Variants in KIRREL3 observed in about 807,000 individuals in gnomAD.
KIRREL3 encodes the protein kirre like nephrin family adhesion molecule 3.
A neutral mutation model predicts 89.7 loss-of-function variants in KIRREL3; 36 were observed. The observed-to-expected ratio is 0.40, with a 90% CI of 0.31 to 0.53. The LOEUF is 0.53. Among genes scored for constraint, KIRREL3 ranks in the 20% least tolerant of loss-of-function variants. The pLI is 0.49. For synonymous variants in KIRREL3, 445 were observed against 441.4 expected (o/e 1.01, Z -0.10); for missense variants, 864 against 1,056.6 (o/e 0.82, Z 2.53).
In KIRREL3 at chr11:126,684,428, G is replaced by T; in HGVS notation, c.56-121516C>A. On this transcript the variant is annotated intron_variant, in intron 1 of 16. Transcript: ENST00000525144. This position sits in a 1 kb window ranked among gnomAD's most constrained non-coding sequence, Gnocchi z 4.2. Reference sequence around the variant, plus strand: ...ACCTCCTGGTTGAACTGGCTTCCCTGCCCCTCCAAAGTGGTTCCAAGGTGC... The same window carrying T: ...ACCTCCTGGTTGAACTGGCTTCCCTTCCCCTCCAAAGTGGTTCCAAGGTGC... 6.6e-6 allele frequency among the ~76,000 whole-genome samples: 1 copy of T among 152,148 alleles called. No homozygotes were observed. The highest frequency in any genetic ancestry group is 1.9e-4 in the East Asian group (1 of 5,196).
At chr11:126,935,771 G>A (rs1374635289) in intron 1 of KIRREL3, 1 of 152,178 alleles carries the variant, frequency 6.6e-6, no homozygotes, top group Non-Finnish European at 1.5e-5. Flanking sequence ...TTAGGGCAGT[G>A]AATCTATCCT....
Position 126,890,549 on chromosome 11 carries a change from T to C in KIRREL3, c.55+109906A>G, listed in dbSNP as rs1945873627. 6.6e-6 allele frequency among the ~76,000 whole-genome samples: 1 copy of C among 152,240 alleles called. No individual in the cohort carries two copies. ...TAATGGTGACCAAATCCCTCCAGTT[T>C]TCTGCTCCCTGGCTGTGGACAGAAG... On this transcript the variant is annotated intron_variant, in intron 1 of 16. Transcript: ENST00000525144. The surrounding 1 kb of genome is among the most constrained non-coding windows in gnomAD (Gnocchi z 5.1).
rs1458139400 is a variant in KIRREL3, at chr11:126,955,135, G to A, written c.55+45320C>T. Among the ~76,000 whole-genome samples the A allele has an allele frequency of 2.0e-5, 3 of 152,166 alleles. No individual in the cohort carries two copies. The highest frequency in any genetic ancestry group is 4.4e-5 in the Non-Finnish European group (3 of 68,036). ...CTGCAGGCGTGTGGCTTTTCACTGT[G>A]GGCTTCCTAATGCAGTAGGTTTCAA... On this transcript the variant is annotated intron_variant, in intron 1 of 16. Coordinates refer to ENST00000525144, the MANE Select transcript of KIRREL3 (RefSeq NM_032531.4). The surrounding 1 kb of genome is among the most constrained non-coding windows in gnomAD (Gnocchi z 4.6).
rs1211837840 is a variant in KIRREL3 at position 126,943,625 on chromosome 11, G to T, written c.55+56830C>A. On this transcript the variant is annotated intron_variant, in intron 1 of 16. Transcript: ENST00000525144. The surrounding 1 kb of genome is among the most constrained non-coding windows in gnomAD (Gnocchi z 4.2). Reference sequence around the variant, plus strand: ...ACATCTCAGAGCATAAGTGCCATCCGGGGTAGAAGGCAGGGAAAGGGCATG... The same window carrying T: ...ACATCTCAGAGCATAAGTGCCATCCTGGGTAGAAGGCAGGGAAAGGGCATG... Among the ~76,000 whole-genome samples the T allele has an allele frequency of 5.9e-5, 9 of 152,188 alleles. No homozygotes were observed. Among genetic ancestry groups the T allele is most frequent in the Non-Finnish European group, 1.2e-4 (8 of 68,032 alleles).
rs7483281 is a variant in KIRREL3, at chr11:126,682,481, C to G, written c.56-119569G>C. ...TTTTTCCTGCCACTCCTTTACCAGGCTTTTTTTCACCTCAAATGAGTGATG... is the reference window on the plus strand; with the variant it reads ...TTTTTCCTGCCACTCCTTTACCAGGGTTTTTTTCACCTCAAATGAGTGATG... On this transcript the variant is annotated intron_variant, in intron 1 of 16. Transcript: ENST00000525144. The surrounding 1 kb of genome is among the most constrained non-coding windows in gnomAD (Gnocchi z 4.8). 1.3e-5 allele frequency among the ~76,000 whole-genome samples: 2 copies of G among 151,930 alleles called. No homozygotes were observed. The highest frequency in any genetic ancestry group is 1.3e-4 in the Admixed American group (2 of 15,270).
chr11:126,959,453 T>G (rs1439950506), intron 1 of KIRREL3, among the ~76,000 whole-genome samples: 1 of 152,190 alleles, frequency 6.6e-6, no homozygotes, highest in African/African-American at 2.4e-5. Context: ...TGTTGTTGTT[T>G]TAGCCAGGGT....
chr11:126,738,251 G>A (rs1265210893), intron 1 of KIRREL3, among the ~76,000 whole-genome samples: 1 of 152,140 alleles, frequency 6.6e-6, no homozygotes, highest in Non-Finnish European at 1.5e-5. Flanking sequence ...ATTAATCATA[G>A]GGGAGTAGCC....
intron 5 of KIRREL3, among the ~76,000 whole-genome samples, chr11:126,468,817 CATT>C (rs1473268433): frequency 2.6e-5 from 4 of 152,224 alleles, no homozygotes; most frequent in Non-Finnish European, 5.9e-5. Flanking sequence ...CATCCGTGAT[CATT>C]ATCACTGCAT....
rs537182772 is a variant in KIRREL3 at position 126,450,868 on chromosome 11, T to C, written c.849-1711A>G. On this transcript the variant is annotated intron_variant, in intron 7 of 16. Coordinates refer to ENST00000525144, the MANE Select transcript of KIRREL3 (RefSeq NM_032531.4). ...ATGTGTGAGCATGTGCACGTGTGTG[T>C]GCATGTGTGCATGTGTGCATGTGCG... 2.0e-4 allele frequency among the ~76,000 whole-genome samples: 29 copies of C among 146,920 alleles called. No individual in the cohort carries two copies. In the Middle Eastern group the frequency reaches 0.01, roughly 52 times the overall value.
Position 126,523,879 on chromosome 11 carries a change from C to T in KIRREL3, c.284-2415G>A, listed in dbSNP as rs139904303. Among the ~76,000 whole-genome samples the T allele has an allele frequency of 5.9e-5, 9 of 152,258 alleles. No individual in the cohort carries two copies. The highest frequency in any genetic ancestry group is 7.4e-5 in the Non-Finnish European group (5 of 68,006). On this transcript the variant is annotated intron_variant, in intron 3 of 16. Transcript: ENST00000525144. The surrounding 1 kb of genome is among the most constrained non-coding windows in gnomAD (Gnocchi z 4.9). ...TATCAGCAGCAGGATTTTGCTCTCA[C>T]GAGCTGCTGAAAACATCAGTGATGG...
At chr11:126,781,055 G>A (rs994614196) in intron 1 of KIRREL3, among the ~76,000 whole-genome samples, 1 of 152,156 alleles carries the variant, frequency 6.6e-6, no homozygotes. Flanking sequence ...TTTTAACTCT[G>A]GAAACTTTAG....
rs1191065192 is a variant in KIRREL3 at position 126,440,511 on chromosome 11, G to T, written c.1291C>A (p.Leu431Ile). 6.2e-7 allele frequency: 1 copy of T among 1,602,176 alleles called. No homozygotes were observed. Among genetic ancestry groups the T allele is most frequent in the East Asian group, 2.3e-5 (1 of 44,340 alleles). ...IISSTQTQHALHGEKGQIKCF... is the reference protein window; with the variant it reads ...IISSTQTQHAIHGEKGQIKCF... ...TTGATCTGGCCCTTCTCGCCGTGGA[G>T]GGCGTGCTGGGTCTGGGTGCTGGAG... Residue 431 changes from leucine to isoleucine, a missense_variant, in exon 11 of 17, where the codon CTC becomes ATC. Transcript: ENST00000525144.
Position 126,891,763 on chromosome 11 carries a change from G to T in KIRREL3, c.55+108692C>A, listed in dbSNP as rs1157488259. 6.6e-6 allele frequency among the ~76,000 whole-genome samples: 1 copy of T among 152,234 alleles called. No individual in the cohort carries two copies. The highest frequency in any genetic ancestry group is 1.9e-4 in the East Asian group (1 of 5,192). On this transcript the variant is annotated intron_variant, in intron 1 of 16. Coordinates refer to ENST00000525144, the MANE Select transcript of KIRREL3 (RefSeq NM_032531.4). This position sits in a 1 kb window ranked among gnomAD's most constrained non-coding sequence, Gnocchi z 5.1. Reference sequence around the variant, plus strand: ...TCTGCGATCCCTGGAGATGGGCAGGGCTGGGGTCAGACTCCGGTGACAGCA... The same window carrying T: ...TCTGCGATCCCTGGAGATGGGCAGGTCTGGGGTCAGACTCCGGTGACAGCA...
Position 126,612,054 on chromosome 11 carries a change from C to T in KIRREL3, c.56-49142G>A, listed in dbSNP as rs139117622. On this transcript the variant is annotated intron_variant, in intron 1 of 16. Coordinates refer to ENST00000525144, the MANE Select transcript of KIRREL3 (RefSeq NM_032531.4). The surrounding 1 kb of genome is among the most constrained non-coding windows in gnomAD (Gnocchi z 4.5). ...ACCTGTGCATCTCCTTCACAACTCA[C>T]GTCACTGATGGACTTACGCAGTTGG... Among the ~76,000 whole-genome samples the T allele has an allele frequency of 6.8e-4, 103 of 152,314 alleles. No individual in the cohort carries two copies. Among genetic ancestry groups the T allele is most frequent in the African/African-American group, 2.3e-3 (96 of 41,564 alleles).
intron 7 of KIRREL3, among the ~76,000 whole-genome samples, chr11:126,450,545 CAA>C (rs1956024206): frequency 9.7e-6 from 1 of 103,264 alleles, no homozygotes; most frequent in South Asian, 3.2e-4. Context: ...GCATGTGTGT[CAA>C]TGTGCATGTG....
At chr11:126,435,640 G>A (rs1565447314) in intron 12 of KIRREL3, among the ~76,000 whole-genome samples, 1 of 152,200 alleles carries the variant, frequency 6.6e-6, no homozygotes, top group Non-Finnish European at 1.5e-5. Context: ...TTGGGATGAT[G>A]TGTGGATGAT....
intron 2 of KIRREL3, among the ~76,000 whole-genome samples, chr11:126,533,994 T>C (rs1959023262): frequency 6.6e-6 from 1 of 152,102 alleles, no homozygotes; most frequent in African/African-American, 2.4e-5. Flanking sequence ...TGGCTCTCTA[T>C]TGGTGTGAAA....
At chr11:126,907,536 G>A (rs1161220229) in intron 1 of KIRREL3, among the ~76,000 whole-genome samples, 1 of 152,224 alleles carries the variant, frequency 6.6e-6, no homozygotes, top group East Asian at 1.9e-4. Context: ...GACAGGTTGA[G>A]AAGCATAAGA....
rs913266310 is a variant in KIRREL3, at chr11:126,568,826, C to T, written c.56-5914G>A. On this transcript the variant is annotated intron_variant, in intron 1 of 16. Coordinates refer to ENST00000525144, the MANE Select transcript of KIRREL3 (RefSeq NM_032531.4). The surrounding 1 kb of genome is among the most constrained non-coding windows in gnomAD (Gnocchi z 4.6). ...ATAGAAACAAAATACCAAATTCTAC[C>T]CCCCTCGTTTTTTTCTTTTTCAGAT... is the stretch of plus-strand genomic sequence containing the variant. 2.0e-5 allele frequency among the ~76,000 whole-genome samples: 3 copies of T among 152,034 alleles called. No homozygotes were observed.
Sources: allele counts gnomAD v4.1 joint callset (sites outside exome capture counted in the v4.1 genomes callset), GRCh38; gene constraint gnomAD v4.1.1; non-coding constraint Gnocchi (gnomAD v3.1); transcripts MANE v1.5; gene names NCBI Gene and HGNC (gene_info 2026-07-23, HGNC 2026-07-21).